GTF3C5: variants seen among roughly 807,000 people sequenced by gnomAD.
The protein encoded by GTF3C5 is general transcription factor 3C polypeptide 5.
A neutral mutation model predicts 61.0 loss-of-function variants in GTF3C5; 47 were observed. That is an observed-to-expected ratio of 0.77 (90% CI 0.61 to 0.98). The LOEUF is 0.98. Ranked by LOEUF, GTF3C5 falls within the 50% of genes least tolerant of loss-of-function variation. The probability of loss-of-function intolerance (pLI) is 0.00; values close to 1 mark genes in which losing one functional copy is unlikely to be tolerated. For synonymous variants in GTF3C5, 295 were observed against 275.4 expected (o/e 1.07, Z -0.71); for missense variants, 659 against 703.3 (o/e 0.94, Z 0.71).
intron 1 of GTF3C5, among the ~76,000 whole-genome samples, chr9:133,035,900 C>T (rs1849848739): frequency 6.6e-6 from 1 of 152,106 alleles, no homozygotes; most frequent in Non-Finnish European, 1.5e-5. Context: ...CTCGTTCGGT[C>T]CAAATTTTTC....
rs772661033 is a variant in GTF3C5 at position 133,056,861 on chromosome 9, A to ACAC, written c.1349_1351dup (p.Thr450dup). 6.2e-7 allele frequency: 1 copy of ACAC among 1,610,862 alleles called. No individual in the cohort carries two copies. Among genetic ancestry groups the ACAC allele is most frequent in the Non-Finnish European group, 8.5e-7 (1 of 1,178,564 alleles). ...CCCAAGACCAGCGACGAGCTCAGGGACACCATGTCCCTCATGATCCGGCAG... is the reference window on the plus strand; with the variant it reads ...CCCAAGACCAGCGACGAGCTCAGGGACACCACCATGTCCCTCATGATCCGGCAG... On this transcript the variant is annotated inframe_insertion, in exon 10 of 11. Transcript: ENST00000372097.
At chr9:133,054,207 G>A (rs972872506) in intron 6 of GTF3C5, among the ~76,000 whole-genome samples, 4 of 152,218 alleles carry the variant, frequency 2.6e-5, no homozygotes, top group Non-Finnish European at 5.9e-5. Flanking sequence ...TGCAGGCCAG[G>A]CACTTGTGAG....
chr9:133,033,659 A>G (rs1481756916), intron 1 of GTF3C5, among the ~76,000 whole-genome samples: 1 of 152,146 alleles, frequency 6.6e-6, no homozygotes. Flanking sequence ...GGGGTCCTGG[A>G]AAAGAGCTAC....
At chr9:133,030,839 C>T, upstream of GTF3C5, 1 of 744,778 alleles carries the variant, frequency 1.3e-6, no homozygotes, top group Non-Finnish European at 2.4e-6. Context: ...GACATGGGCC[C>T]TCCCATGGGC....
chr9:133,038,119 C>T (rs1024563953), intron 1 of GTF3C5, among the ~76,000 whole-genome samples: 3 of 152,030 alleles, frequency 2.0e-5, no homozygotes, highest in East Asian at 1.9e-4. Context: ...AGTTACAGAG[C>T]GGGTAACTAA....
intron 3 of GTF3C5, among the ~76,000 whole-genome samples, chr9:133,048,414 G>A (rs187034639): frequency 2.7e-3 from 403 of 151,428 alleles, no homozygotes; most frequent in African/African-American, 9.0e-3. Flanking sequence ...GGAGAATGGC[G>A]TGAACCCGCG....
In GTF3C5 at chr9:133,053,912, G is replaced by C; in HGVS notation, c.958G>C (p.Asp320His). The change falls in exon 6 of 11, where the codon GAT becomes CAT. Residue 320 changes from aspartate (D) to histidine (H), a missense_variant. Transcript: ENST00000372097. Reference sequence around the variant, plus strand: ...AGATGCCAAGATTTATCAAGTCCTCGATTTCCGAATCCGTTGTGGAATGAA... The same window carrying C: ...AGATGCCAAGATTTATCAAGTCCTCCATTTCCGAATCCGTTGTGGAATGAA... Reference protein sequence around the residue: ...NPDAKIYQVLDFRIRCGMKHG... With the variant: ...NPDAKIYQVLHFRIRCGMKHG... 1 of 1,612,166 alleles carries C rather than the reference G, an allele frequency of 6.2e-7. No homozygotes were observed. Among genetic ancestry groups the C allele is most frequent in the Non-Finnish European group, 8.5e-7 (1 of 1,178,438 alleles).
chr9:133,055,419 T>G (rs1829908726), intron 8 of GTF3C5: 1 of 1,261,802 alleles, frequency 7.9e-7, no homozygotes, highest in African/African-American at 1.5e-5. Flanking sequence ...CCCCAGTGTC[T>G]GGGGCCCTGC....
chr9:133,050,712 C>A, intron 3 of GTF3C5, 71 bp from the exon 4 acceptor site: 1 of 1,146,732 alleles, frequency 8.7e-7, no homozygotes, highest in Non-Finnish European at 1.3e-6. Flanking sequence ...GGGCTCCCTG[C>A]CTGGTCTGGC....
Position 133,058,087 on chromosome 9 carries a change from G to T in GTF3C5, c.*107G>T, listed in dbSNP as rs1469459265. ...CACAGTGCCCGGAATGGCCCTAGGAGGCCCTCTGAGGAGAGCTAGAGTCCC... is the reference window on the plus strand; with the variant it reads ...CACAGTGCCCGGAATGGCCCTAGGATGCCCTCTGAGGAGAGCTAGAGTCCC... On this transcript the variant is annotated 3_prime_UTR_variant, in exon 11 of 11. Transcript: ENST00000372097. The T allele has an allele frequency of 1.3e-6, 2 of 1,545,664 alleles. No individual in the cohort carries two copies. Among genetic ancestry groups the T allele is most frequent in the Non-Finnish European group, 1.7e-6 (2 of 1,150,342 alleles).
chr9:133,057,924 A>C lies in GTF3C5; in HGVS notation c.1504A>C (p.Lys502Gln). Residue 502 changes from lysine to glutamine, a missense_variant, in exon 11 of 11, where the codon AAG becomes CAG. Coordinates refer to ENST00000372097, the MANE Select transcript of GTF3C5 (RefSeq NM_012087.4). ...GGAGGAAGAGGAGGAGGAGGACTTCAAGCCATCCGACGGCAGTGAAAACGA... is the reference window on the plus strand; with the variant it reads ...GGAGGAAGAGGAGGAGGAGGACTTCCAGCCATCCGACGGCAGTGAAAACGA... ...EEEEEEEEDF[K>Q]PSDGSENEME... 4 of 1,613,964 alleles carry C rather than the reference A, an allele frequency of 2.5e-6. No individual in the cohort carries two copies. The highest frequency in any genetic ancestry group is 2.5e-6 in the Non-Finnish European group (3 of 1,179,986).
chr9:133,041,665 G>A (rs947264878), intron 1 of GTF3C5, among the ~76,000 whole-genome samples: 3 of 152,124 alleles, frequency 2.0e-5, no homozygotes, highest in African/African-American at 7.2e-5. Context: ...GTGGTCCCCC[G>A]GGCCCAGCTG....
chr9:133,035,639 T>C (rs2118973317), intron 1 of GTF3C5, among the ~76,000 whole-genome samples: 1 of 152,214 alleles, frequency 6.6e-6, no homozygotes, highest in South Asian at 2.1e-4. Context: ...CCTTTTTCAG[T>C]GGAAGAGAAG....
At chr9:133,043,586 G>T in intron 2 of GTF3C5, 142 bp from the exon 3 acceptor site, 2 of 654,132 alleles carry the variant, frequency 3.1e-6, no homozygotes, top group Non-Finnish European at 5.4e-6. Flanking sequence ...ATTTGGGAAG[G>T]GTGTGTTTTC....
At chr9:133,053,786 G>A (rs763219398) in intron 5 of GTF3C5, 42 bp from the exon 6 acceptor site, 25 of 1,315,880 alleles carry the variant, frequency 1.9e-5, no homozygotes, top group Admixed American at 9.0e-5. Flanking sequence ...AGGGACCTGG[G>A]CCTTCACCTC....
rs529158148 is a variant in GTF3C5 at position 133,046,012 on chromosome 9, C to G, written c.572+2086C>G. On this transcript the variant is annotated intron_variant, in intron 3 of 10. Transcript: ENST00000372097. Reference sequence around the variant, plus strand: ...TTGTTCCATAGCATGTTTTAAGCTTCCAAAAATGCAGCCCTCAAGAGAATG... The same window carrying G: ...TTGTTCCATAGCATGTTTTAAGCTTGCAAAAATGCAGCCCTCAAGAGAATG... 5.3e-5 allele frequency among the ~76,000 whole-genome samples: 8 copies of G among 152,246 alleles called. No individual in the cohort carries two copies. The South Asian group carries it at 1.5e-3, about 28-fold the overall frequency.
At chr9:133,033,626 C>T (rs1009742288) in intron 1 of GTF3C5, among the ~76,000 whole-genome samples, 2 of 152,112 alleles carry the variant, frequency 1.3e-5, no homozygotes, top group African/African-American at 4.8e-5. Context: ...GAGAGCTCGG[C>T]ACGATTTATC....
intron 3 of GTF3C5, among the ~76,000 whole-genome samples, chr9:133,045,484 T>C (rs962400402): frequency 5.9e-5 from 9 of 152,154 alleles, no homozygotes; most frequent in Non-Finnish European, 4.4e-5. Context: ...TCCCCAGAAG[T>C]AGCGACTTGG....
At chr9:133,057,706 G>C in intron 10 of GTF3C5, 108 bp from the exon 11 acceptor site, 1 of 1,046,228 alleles carries the variant, frequency 9.6e-7, no homozygotes, top group Non-Finnish European at 1.4e-6. Flanking sequence ...AAGAGCTCGA[G>C]CTCGGACCCT....
Sources: gnomAD v4.1 joint callset for allele counts (sites outside exome capture counted in the v4.1 genomes callset) on GRCh38, gnomAD v4.1.1 for gene constraint, MANE v1.5 for transcripts, NCBI Gene and HGNC (gene_info 2026-07-23, HGNC 2026-07-21) for gene names.